The following OPCML variants were observed in gnomAD, a reference collection of about 807,000 sequenced individuals.
The protein encoded by OPCML is opioid-binding protein/cell adhesion molecule.
Under a neutral mutation model 37.8 loss-of-function variants are expected in OPCML, and 13 were observed. The ratio of observed to expected loss-of-function variants is 0.34; its 90% CI spans 0.22 to 0.55. The LOEUF (loss-of-function observed/expected upper bound fraction) is 0.55, where lower values mean the gene tolerates loss of function less well. Ranked by LOEUF, OPCML falls within the 20% of genes least tolerant of loss-of-function variation. OPCML has a pLI of 0.91. For synonymous variants in OPCML, 176 were observed against 168.8 expected (o/e 1.04, Z -0.33); for missense variants, 341 against 435.6 (o/e 0.78, Z 1.93).
intron 2 of OPCML, among the ~76,000 whole-genome samples, chr11:132,695,303 T>A (rs779949004): frequency 6.6e-6 from 1 of 152,120 alleles, no homozygotes; most frequent in East Asian, 1.9e-4. Flanking sequence ...AATCCTTGAA[T>A]GATGGGTACT....
At chr11:132,979,192 G>A (rs772604438) in intron 1 of OPCML, among the ~76,000 whole-genome samples, 1 of 152,024 alleles carries the variant, frequency 6.6e-6, no homozygotes, top group African/African-American at 2.4e-5. Context: ...TCTCACACCC[G>A]GATCACTCCG....
At chr11:133,169,060 A>G (rs1365704008) in intron 1 of OPCML, among the ~76,000 whole-genome samples, 3 of 152,092 alleles carry the variant, frequency 2.0e-5, no homozygotes, top group Non-Finnish European at 2.9e-5. Flanking sequence ...AACCTGGGAG[A>G]CGGAGGTTGC....
At chr11:133,160,989 A>T (rs1950133840) in intron 1 of OPCML, among the ~76,000 whole-genome samples, 1 of 152,188 alleles carries the variant, frequency 6.6e-6, no homozygotes. Flanking sequence ...AGGTACATGG[A>T]GCTGGATGGA....
Position 133,009,206 on chromosome 11 carries a change from T to C in OPCML, c.62-66196A>G, listed in dbSNP as rs532571452. On this transcript the variant is annotated intron_variant, in intron 1 of 7. Coordinates refer to ENST00000524381, the MANE Select transcript of OPCML (RefSeq NM_001012393.5). ...ACATTGTCTCTAACATATGTAGATA[T>C]AGTCCCTGATCTCAGGGAACTTCAA... 37 of 985,412 alleles carry C rather than the reference T, an allele frequency of 3.8e-5. No homozygotes were observed. The South Asian group carries it at 1.2e-3, about 33-fold the overall frequency. 61.0% of individuals were successfully genotyped at this position (985,412 alleles called of 1,614,324 possible).
chr11:132,861,560 G>A (rs1245875154), intron 2 of OPCML, among the ~76,000 whole-genome samples: 1 of 152,024 alleles, frequency 6.6e-6, no homozygotes, highest in African/African-American at 2.4e-5. Context: ...TTTTTGGCTG[G>A]GCGCGGTGGC....
At chr11:132,990,405 G>T (rs1946754530) in intron 1 of OPCML, among the ~76,000 whole-genome samples, 1 of 152,166 alleles carries the variant, frequency 6.6e-6, no homozygotes, top group Non-Finnish European at 1.5e-5. Flanking sequence ...AGAATCAAAA[G>T]AATTATTGCC....
intron 1 of OPCML, among the ~76,000 whole-genome samples, chr11:133,313,814 G>C (rs1182990169): frequency 6.6e-6 from 1 of 152,160 alleles, no homozygotes; most frequent in Admixed American, 6.5e-5. Context: ...AAAACTGTAA[G>C]AGAAAACATT....
chr11:133,519,661 T>TA (rs1310527381), intron 1 of OPCML, among the ~76,000 whole-genome samples: 2 of 152,188 alleles, frequency 1.3e-5, no homozygotes, highest in African/African-American at 4.8e-5. Context: ...AGCCACAGCA[T>TA]AAAATATGAC....
chr11:133,414,340 G>T (rs1945714975), intron 1 of OPCML, among the ~76,000 whole-genome samples: 1 of 151,918 alleles, frequency 6.6e-6, no homozygotes, highest in African/African-American at 2.4e-5. Flanking sequence ...TTTGAATTAT[G>T]CCCCAGGTTG....
In OPCML at chr11:132,750,438, A is replaced by G. The variant is rs151145482; in HGVS notation, c.147-93119T>C. Among the ~76,000 whole-genome samples, 1,182 of 152,212 alleles carry G rather than the reference A, an allele frequency of 7.8e-3. 14 individuals are homozygous for G. The highest frequency in any genetic ancestry group is 0.027 in the African/African-American group (1,116 of 41,540). On this transcript the variant is annotated intron_variant, in intron 2 of 7. Transcript: ENST00000524381. Reference sequence around the variant, plus strand: ...CACAGGTGGAGGCTCAATCTATACAAACCAAGGTGGCTGTCCATTCCAAAT... The same window carrying G: ...CACAGGTGGAGGCTCAATCTATACAGACCAAGGTGGCTGTCCATTCCAAAT...
chr11:132,945,587 A>T (rs1401154541), intron 1 of OPCML, among the ~76,000 whole-genome samples: 1 of 152,206 alleles, frequency 6.6e-6, no homozygotes, highest in Non-Finnish European at 1.5e-5. Flanking sequence ...TAATTAGGCT[A>T]CCCTAAATTT....
chr11:132,997,987 C>A (rs1283212499), intron 1 of OPCML, among the ~76,000 whole-genome samples: 1 of 152,182 alleles, frequency 6.6e-6, no homozygotes, highest in African/African-American at 2.4e-5. Flanking sequence ...ACTTGCCTGA[C>A]CCCTAGAAAC....
chr11:133,087,435 T>C (rs10894649), intron 1 of OPCML, among the ~76,000 whole-genome samples: 88,029 of 151,854 alleles, frequency 0.58, 25,719 homozygotes, highest in Non-Finnish European at 0.62. Flanking sequence ...GCCTTTGCCC[T>C]TCCCTCCATC....
intron 1 of OPCML, among the ~76,000 whole-genome samples, chr11:133,294,528 G>T (rs938635799): frequency 2.0e-5 from 3 of 151,966 alleles, no homozygotes; most frequent in African/African-American, 7.3e-5. Flanking sequence ...ACTTTTCCAA[G>T]AAAATATTAA....
At chr11:133,265,398 T>C (rs1941626957) in intron 1 of OPCML, among the ~76,000 whole-genome samples, 1 of 152,196 alleles carries the variant, frequency 6.6e-6, no homozygotes, top group South Asian at 2.1e-4. Context: ...CAGCTCTGGG[T>C]GAAATGTGTC....
intron 1 of OPCML, among the ~76,000 whole-genome samples, chr11:133,143,494 G>A (rs188782402): frequency 1.2e-4 from 19 of 152,310 alleles, no homozygotes; most frequent in Admixed American, 7.2e-4. Context: ...CAGACTCCTT[G>A]CAGACCCACA....
At chr11:133,506,339 G>A (rs1408489048) in intron 1 of OPCML, among the ~76,000 whole-genome samples, 1 of 152,136 alleles carries the variant, frequency 6.6e-6, no homozygotes, top group Non-Finnish European at 1.5e-5. Context: ...GCCCTGAGAG[G>A]GTTACTTCCC....
intron 2 of OPCML, among the ~76,000 whole-genome samples, chr11:132,791,332 G>T (rs956035204): frequency 1.3e-5 from 2 of 152,086 alleles, no homozygotes; most frequent in African/African-American, 2.4e-5. Context: ...GCTCAGACAG[G>T]CCCTAATGTT....
At chr11:133,032,333 G>A (rs1311225879) in intron 1 of OPCML, among the ~76,000 whole-genome samples, 1 of 152,186 alleles carries the variant, frequency 6.6e-6, no homozygotes, top group Non-Finnish European at 1.5e-5. Flanking sequence ...TACCAGCACA[G>A]AACGGTGAGG....
Sources: gnomAD v4.1 joint callset for allele counts (sites outside exome capture counted in the v4.1 genomes callset) on GRCh38, gnomAD v4.1.1 for gene constraint, MANE v1.5 for transcripts, NCBI Gene and HGNC (gene_info 2026-07-23, HGNC 2026-07-21) for gene names.